Variants in CACNA1E observed in about 807,000 individuals in gnomAD.
CACNA1E encodes calcium voltage-gated channel subunit alpha1 E, also known as voltage-dependent R-type calcium channel subunit alpha-1E.
CACNA1E carries 40 observed loss-of-function variants against 259.2 expected under a neutral mutation model. The observed-to-expected ratio is 0.15, with a 90% CI of 0.12 to 0.20. The LOEUF is 0.20. Ranked by LOEUF, CACNA1E falls within the 10% of genes least tolerant of loss-of-function variation. The pLI is 1.00. For synonymous variants in CACNA1E, 1,104 were observed against 1,138.5 expected (o/e 0.97, Z 0.61); for missense variants, 1,874 against 3,040.1 (o/e 0.62, Z 9.02).
intron 7 of CACNA1E, among the ~76,000 whole-genome samples, chr1:181,662,547 A>G (rs1647791187): frequency 6.6e-6 from 1 of 152,184 alleles, no homozygotes; most frequent in African/African-American, 2.4e-5. Flanking sequence ...CAGTTACCCA[A>G]TTGTGAATAA....
At chr1:181,662,208 G>T (rs555954492) in intron 7 of CACNA1E, among the ~76,000 whole-genome samples, 2 of 152,294 alleles carry the variant, frequency 1.3e-5, no homozygotes, top group African/African-American at 4.8e-5. Context: ...TATCAGTTGT[G>T]AAAATTGTAT....
chr1:181,773,924 C>T (rs146921142), intron 37 of CACNA1E, among the ~76,000 whole-genome samples: 49 of 152,270 alleles, frequency 3.2e-4, no homozygotes, highest in Non-Finnish European at 5.6e-4. Context: ...ATATTCAGCA[C>T]GAGATGATCT....
At chr1:181,345,539 G>T (rs964487836) in intron 1 of CACNA1E, among the ~76,000 whole-genome samples, 1 of 152,122 alleles carries the variant, frequency 6.6e-6, no homozygotes, top group Non-Finnish European at 1.5e-5. Flanking sequence ...GGTCTTTCTT[G>T]GGCATGTGGC....
intron 7 of CACNA1E, among the ~76,000 whole-genome samples, chr1:181,690,233 A>G (rs546309342): frequency 6.6e-5 from 10 of 152,252 alleles, no homozygotes; most frequent in Admixed American, 1.3e-4. Flanking sequence ...TAAATAGGGA[A>G]TCCTTTCCCC....
At chr1:181,739,892 C>G (rs2102596670) in intron 25 of CACNA1E, among the ~76,000 whole-genome samples, 1 of 152,156 alleles carries the variant, frequency 6.6e-6, no homozygotes, top group South Asian at 2.1e-4. Context: ...GGATTTTTTT[C>G]CCCCCTGCAC....
At chr1:181,614,434 C>G (rs1171678241) in intron 6 of CACNA1E, among the ~76,000 whole-genome samples, 1 of 152,206 alleles carries the variant, frequency 6.6e-6, no homozygotes, top group Non-Finnish European at 1.5e-5. Context: ...TTGCTCTAAA[C>G]ACAGTGAAAA....
chr1:181,668,754 G>A (rs1347014692), intron 7 of CACNA1E: 1 of 152,142 alleles, frequency 6.6e-6, no homozygotes, highest in African/African-American at 2.4e-5. Flanking sequence ...CCCAGGCTGG[G>A]CATGGTGACT....
chr1:181,351,508 T>G (rs1342656001), intron 1 of CACNA1E, among the ~76,000 whole-genome samples: 1 of 152,170 alleles, frequency 6.6e-6, no homozygotes, highest in Non-Finnish European at 1.5e-5. Flanking sequence ...ACTACAAACT[T>G]CATGGCTGAC....
At chr1:181,323,125 G>T (rs1273934559) in intron 1 of CACNA1E, among the ~76,000 whole-genome samples, 1 of 152,174 alleles carries the variant, frequency 6.6e-6, no homozygotes, top group Non-Finnish European at 1.5e-5. Flanking sequence ...GTCTTGCAGA[G>T]AGTATCTGTG....
In CACNA1E at chr1:181,807,611, C is replaced by T. The variant is rs761612123; in HGVS notation, c.*8777C>T. The T allele has an allele frequency of 5.3e-5, 8 of 151,794 alleles. No individual in the cohort carries two copies. The highest frequency in any genetic ancestry group is 8.8e-5 in the Non-Finnish European group (6 of 67,990). The allele number at this position is 151,794 out of a possible 1,614,324, so 9.4% of individuals were successfully genotyped here. A position where few individuals can be genotyped will look rare whatever the true frequency, so the allele number is the denominator to read the frequency against. ...GTGTTAATTATTTTAATCTGAGCAACGCTTTTATCAATTAGATAGAAACCA... is the reference window on the plus strand; with the variant it reads ...GTGTTAATTATTTTAATCTGAGCAATGCTTTTATCAATTAGATAGAAACCA... On this transcript the variant is annotated 3_prime_UTR_variant, in exon 48 of 48. Coordinates refer to ENST00000367573, the MANE Select transcript of CACNA1E (RefSeq NM_001205293.3).
intron 7 of CACNA1E, among the ~76,000 whole-genome samples, chr1:181,655,720 A>C (rs1228190394): frequency 6.6e-6 from 1 of 152,216 alleles, no homozygotes; most frequent in Non-Finnish European, 1.5e-5. Context: ...GGATGACAGA[A>C]GCCTAGAGAG....
chr1:181,366,566 A>G (rs901308227), intron 1 of CACNA1E, among the ~76,000 whole-genome samples: 2 of 152,150 alleles, frequency 1.3e-5, no homozygotes, highest in Non-Finnish European at 2.9e-5. Flanking sequence ...CAGGGATAAC[A>G]TTTGAGCCAA....
At chr1:181,593,908 T>C (rs899254888) in intron 6 of CACNA1E, among the ~76,000 whole-genome samples, 6 of 152,220 alleles carry the variant, frequency 3.9e-5, no homozygotes, top group Non-Finnish European at 8.8e-5. Flanking sequence ...CTGAATGAGC[T>C]GGGGCTGAGC....
intron 6 of CACNA1E, among the ~76,000 whole-genome samples, chr1:181,597,608 C>T (rs888415805): frequency 3.9e-5 from 6 of 152,154 alleles, no homozygotes; most frequent in African/African-American, 9.7e-5. Flanking sequence ...GGTGATGGAT[C>T]GGTCCTCATT....
At chr1:181,548,124 T>TTTTCTTTA (rs1647702173) in intron 3 of CACNA1E, among the ~76,000 whole-genome samples, 7 of 68,678 alleles carry the variant, frequency 1.0e-4, no homozygotes, top group East Asian at 8.9e-4. Context: ...TAACACTTTT[T>TTTTCTTTA]TTTTCTTTTT....
intron 1 of CACNA1E, among the ~76,000 whole-genome samples, chr1:181,489,035 A>G (rs765316416): frequency 1.3e-5 from 2 of 152,200 alleles, no homozygotes; most frequent in African/African-American, 2.4e-5. Flanking sequence ...CCTTGACTCC[A>G]TGTGTTTGAT....
intron 1 of CACNA1E, among the ~76,000 whole-genome samples, chr1:181,368,237 T>G (rs1356599744): frequency 7.8e-6 from 1 of 127,982 alleles, no homozygotes; most frequent in African/African-American, 3.0e-5. Context: ...CTAAAAAAAA[T>G]AAAATAAAAA....
chr1:181,498,143 CAT>C (rs1394895403), intron 1 of CACNA1E, among the ~76,000 whole-genome samples: 3 of 152,108 alleles, frequency 2.0e-5, no homozygotes, highest in Non-Finnish European at 4.4e-5. Flanking sequence ...TAGTGTGAGT[CAT>C]AGTGTGGAGG....
At chr1:181,651,305 T>A in intron 6 of CACNA1E, 33 bp from the exon 7 acceptor site, 1 of 1,398,860 alleles carries the variant, frequency 7.1e-7, no homozygotes, top group East Asian at 2.3e-5. Flanking sequence ...AAGATGGCTT[T>A]AAGTATTAAG....
Sources: gnomAD v4.1 joint callset for allele counts (sites outside exome capture counted in the v4.1 genomes callset) on GRCh38, gnomAD v4.1.1 for gene constraint, MANE v1.5 for transcripts, NCBI Gene and HGNC (gene_info 2026-07-23, HGNC 2026-07-21) for gene names.